KMT2E: variants seen among roughly 807,000 people sequenced by gnomAD.
The protein encoded by KMT2E is lysine methyltransferase 2E (inactive), also known as histone reader KMT2E.
KMT2E carries 30 observed loss-of-function variants against 184.6 expected under a neutral mutation model. The ratio of observed to expected loss-of-function variants is 0.16; its 90% confidence interval spans 0.12 to 0.22. The LOEUF (loss-of-function observed/expected upper bound fraction) is 0.22, where lower values mean the gene tolerates loss of function less well. KMT2E is among the 10% of genes least tolerant of loss of function. The probability of loss-of-function intolerance (pLI) is 1.00; values close to 1 mark genes in which losing one functional copy is unlikely to be tolerated. For synonymous variants in KMT2E, 815 were observed against 776.5 expected, an observed-to-expected ratio of 1.05 and a Z score of -0.82; for missense variants, 2,023 against 2,237.4, an observed-to-expected ratio of 0.90 and a Z score of 1.93.
chr7:105,031,703 G>T lies in KMT2E; in HGVS notation c.-188-6423G>T, dbSNP rs138172504. Among the ~76,000 whole-genome samples, 4 of 151,966 alleles carry T rather than the reference G, an allele frequency of 2.6e-5. No individual in the cohort carries two copies. The East Asian group carries it at 7.8e-4, about 29-fold the overall frequency. ...GGAGGCGGAGGTTGCAGTGACTCGA[G>T]ATTGTGCTACAGCACTCCAGCCTGG... On this transcript the variant is annotated intron_variant, in intron 1 of 26. Coordinates refer to ENST00000311117, the MANE Select transcript of KMT2E (RefSeq NM_182931.3).
Position 105,068,810 on chromosome 7 carries a change from A to G in KMT2E, c.497+2003A>G, listed in dbSNP as rs1797163466. ...GTTAACTATTCGGTTCTCTTAAGATATATTTCATTGAGGAAAGGCTGGATA... is the reference window on the plus strand; with the variant it reads ...GTTAACTATTCGGTTCTCTTAAGATGTATTTCATTGAGGAAAGGCTGGATA... On this transcript the variant is annotated intron_variant, in intron 6 of 26. Coordinates refer to ENST00000311117, the MANE Select transcript of KMT2E (RefSeq NM_182931.3). Among the ~76,000 whole-genome samples the G allele has an allele frequency of 2.0e-5, 3 of 151,940 alleles. No individual in the cohort carries two copies. In the South Asian group the frequency reaches 6.2e-4, roughly 32 times the overall value.
intron 6 of KMT2E, among the ~76,000 whole-genome samples, chr7:105,067,066 T>TA (rs11457088): frequency 0.92 from 107,070 of 115,868 alleles, 49,522 homozygotes; most frequent in Admixed American, 0.95. Flanking sequence ...CTTTTTTTTT[T>TA]AAAAAAAAAA....
Position 105,111,920 on chromosome 7 carries a change from A to T in KMT2E, c.4164A>T (p.Glu1388Asp). 1 of 1,614,182 alleles carries T rather than the reference A, an allele frequency of 6.2e-7. No homozygotes were observed. Among genetic ancestry groups the T allele is most frequent in the Non-Finnish European group, 8.5e-7 (1 of 1,180,026 alleles). ...PQWDSTVSAS[E>D]AENGVHLKTE... ...GGGACTCCACAGTTAGTGCATCCGA[A>T]GCTGAAAATGGTGTTCACCTAAAAA... The change falls in exon 27 of 27, where the codon GAA becomes GAT. Residue 1388 changes from glutamate (E) to aspartate (D), a missense_variant. Physicochemically the swap from Glu to Asp is conservative, Grantham distance 45 (BLOSUM62 2). This residue lies in a region of KMT2E where 1,108 missense variants were observed against 1,050.9 expected (regional missense o/e 1.05). Coordinates refer to ENST00000311117, the MANE Select transcript of KMT2E (RefSeq NM_182931.3).
At chr7:105,067,289 G>A (rs998710616) in intron 6 of KMT2E, among the ~76,000 whole-genome samples, 5 of 151,634 alleles carry the variant, frequency 3.3e-5, no homozygotes, top group Admixed American at 2.6e-4. Context: ...TCTACCTGAT[G>A]GCATCTTTTT....
At chr7:105,064,296 T>TA (rs1054208085) in intron 5 of KMT2E, among the ~76,000 whole-genome samples, 3 of 150,496 alleles carry the variant, frequency 2.0e-5, no homozygotes, top group African/African-American at 4.9e-5. Flanking sequence ...GCAGAGTACT[T>TA]ACGCAGTGCA....
rs1052364413 is a variant in KMT2E at position 105,106,009 on chromosome 7, A to T, written c.2596+6A>T. 7 of 1,590,538 alleles carry T rather than the reference A, an allele frequency of 4.4e-6. No individual in the cohort carries two copies. Among genetic ancestry groups the T allele is most frequent in the African/African-American group, 1.4e-5 (1 of 73,192 alleles). On this transcript the variant is annotated splice_donor_region_variant and intron_variant, in intron 19 of 26. Coordinates refer to ENST00000311117, the MANE Select transcript of KMT2E (RefSeq NM_182931.3). ...TGACAGCTGTTCCCTTCCAGGTAGA[A>T]TTTTTTTTTCAGAGTTTTGGTTTGA...
At chr7:105,018,661 G>C (rs1331568109) in intron 1 of KMT2E, among the ~76,000 whole-genome samples, 1 of 152,010 alleles carries the variant, frequency 6.6e-6, no homozygotes, top group African/African-American at 2.4e-5. Context: ...GCAAATTAAC[G>C]AGTGGAATAC....
At chr7:105,053,801 G>C (rs1796444668) in intron 3 of KMT2E, among the ~76,000 whole-genome samples, 2 of 152,094 alleles carry the variant, frequency 1.3e-5, no homozygotes, top group Admixed American at 1.3e-4. Flanking sequence ...TCAAGCCCCG[G>C]GAGTTTGATG....
intron 21 of KMT2E, 29 bp downstream of exon 21, chr7:105,107,251 T>G: frequency 6.6e-7 from 1 of 1,521,904 alleles, no homozygotes; most frequent in South Asian, 1.2e-5. Flanking sequence ...AAGGGTGAAT[T>G]GGTAGTTTTT....
chr7:105,016,191 G>A (rs1334465397), intron 1 of KMT2E, among the ~76,000 whole-genome samples: 1 of 152,146 alleles, frequency 6.6e-6, no homozygotes, highest in Non-Finnish European at 1.5e-5. Flanking sequence ...TTAAATTTTA[G>A]GGAGCTGTAC....
intron 5 of KMT2E, 135 bp from the exon 6 acceptor site, chr7:105,066,592 A>C: frequency 1.7e-6 from 1 of 595,414 alleles, no homozygotes; most frequent in South Asian, 2.5e-5. Flanking sequence ...CGTTTCTATG[A>C]ATTTCTCAGA....
chr7:105,069,858 A>G (rs987804147), intron 6 of KMT2E, among the ~76,000 whole-genome samples: 1 of 152,056 alleles, frequency 6.6e-6, no homozygotes, highest in Non-Finnish European at 1.5e-5. Flanking sequence ...GTTATTCTGT[A>G]ATCGATTTCT....
At chr7:105,019,451 A>G (rs529173413) in intron 1 of KMT2E, among the ~76,000 whole-genome samples, 7 of 152,290 alleles carry the variant, frequency 4.6e-5, no homozygotes, top group African/African-American at 1.7e-4. Flanking sequence ...GCTTTTTGGG[A>G]TGTTGGACAT....
At chr7:105,021,166 A>G (rs1208579851) in intron 1 of KMT2E, among the ~76,000 whole-genome samples, 1 of 152,258 alleles carries the variant, frequency 6.6e-6, no homozygotes, top group Non-Finnish European at 1.5e-5. Context: ...ACTGTGGTCC[A>G]GTAGCCATAA....
intron 15 of KMT2E, among the ~76,000 whole-genome samples, chr7:105,098,537 C>T (rs1000765241): frequency 4.6e-5 from 7 of 152,108 alleles, no homozygotes; most frequent in Admixed American, 4.6e-4. Context: ...TCCTGAGTAG[C>T]TGGGACTACA....
At chr7:105,030,239 T>C (rs1795352532) in intron 1 of KMT2E, among the ~76,000 whole-genome samples, 1 of 152,194 alleles carries the variant, frequency 6.6e-6, no homozygotes, top group Non-Finnish European at 1.5e-5. Flanking sequence ...CAAATTGTTA[T>C]TTACAGGTGA....
intron 3 of KMT2E, among the ~76,000 whole-genome samples, chr7:105,057,681 G>C (rs895640845): frequency 1.7e-4 from 26 of 152,122 alleles, no homozygotes; most frequent in African/African-American, 6.0e-4. Context: ...ATGAACTTCT[G>C]GCCTCAAGTG....
intron 3 of KMT2E, among the ~76,000 whole-genome samples, chr7:105,051,412 C>G (rs1252324517): frequency 6.7e-6 from 1 of 150,048 alleles, no homozygotes; most frequent in African/African-American, 2.4e-5. Context: ...CTCAAACTCC[C>G]GACCTCAGGT....
At chr7:105,054,170 CA>C (rs1292723588) in intron 3 of KMT2E, among the ~76,000 whole-genome samples, 2 of 139,188 alleles carry the variant, frequency 1.4e-5, no homozygotes, top group Non-Finnish European at 1.6e-5. Context: ...GACTCTGTCT[CA>C]AAAAAAAAGG....
Sources: gnomAD v4.1 joint callset for allele counts (sites outside exome capture counted in the v4.1 genomes callset) on GRCh38, gnomAD v4.1.1 for gene constraint, gnomAD v4.1.1 regional missense constraint, MANE v1.5 for transcripts, NCBI Gene and HGNC (gene_info 2026-07-23, HGNC 2026-07-21) for gene names.